Variants in TASOR observed in about 807,000 individuals in gnomAD.
TASOR encodes the protein protein TASOR.
Under a neutral mutation model 178.6 loss-of-function variants are expected in TASOR, and 53 were observed. The observed-to-expected ratio is 0.30, with a 90% confidence interval of 0.24 to 0.37. The LOEUF (loss-of-function observed/expected upper bound fraction) is 0.37. Among genes scored for constraint, TASOR ranks in the 10% least tolerant of loss-of-function variants. The probability of loss-of-function intolerance (pLI) is 1.00; values close to 1 mark genes in which losing one functional copy is unlikely to be tolerated. For synonymous variants in TASOR, 713 were observed against 696.2 expected (o/e 1.02, Z -0.38); for missense variants, 1,815 against 1,971.4 (o/e 0.92, Z 1.50).
Position 56,668,500 on chromosome 3 carries a change from T to C in TASOR, c.794A>G (p.Asn265Ser), listed in dbSNP as rs2030297996. 1 of 1,551,620 alleles carries C rather than the reference T, an allele frequency of 6.4e-7. No homozygotes were observed. Among genetic ancestry groups the C allele is most frequent in the African/African-American group, 1.4e-5 (1 of 73,170 alleles). The change falls in exon 6 of 24, where the codon AAT becomes AGT. Residue 265 changes from asparagine (N) to serine (S), a missense_variant. By Grantham distance (46) the Asn-to-Ser change is conservative (BLOSUM62 1). Transcript: ENST00000683822. ...TGGTGTGGGGTCCAAAGCACTCTTA[T>C]TTAACATAGATTCCAAACTTTTTAC... ...MGVKSLESML[N>S]KSALDPTPKH... is the part of the protein sequence containing the mutation.
chr3:56,649,666 G>C (rs1044751429), intron 11 of TASOR, among the ~76,000 whole-genome samples: 4 of 152,124 alleles, frequency 2.6e-5, no homozygotes, highest in Non-Finnish European at 5.9e-5. Context: ...TTCCCTAAGA[G>C]ATTTACAAAA....
intron 18 of TASOR, among the ~76,000 whole-genome samples, chr3:56,631,588 T>G (rs2107540974): frequency 8.4e-6 from 1 of 119,594 alleles, no homozygotes; most frequent in South Asian, 2.7e-4. Context: ...TTTTTTGTTT[T>G]TTTTTTTTTT....
At chr3:56,629,419 T>A (rs183941156) in intron 18 of TASOR, among the ~76,000 whole-genome samples, 1 of 152,272 alleles carries the variant, frequency 6.6e-6, no homozygotes, top group Non-Finnish European at 1.5e-5. Flanking sequence ...CAGTATTAAC[T>A]GGGATAAACG....
intron 1 of TASOR, 65 bp downstream of exon 1, chr3:56,682,610 AG>A (rs1444472102): frequency 1.5e-6 from 2 of 1,357,676 alleles, no homozygotes; most frequent in East Asian, 5.2e-5. Flanking sequence ...AAGAGGAGAT[AG>A]AAAGATTCTA....
chr3:56,682,592 G>T, intron 1 of TASOR, 84 bp downstream of exon 1: 1 of 1,257,766 alleles, frequency 8.0e-7, no homozygotes, highest in East Asian at 2.7e-5. Context: ...ATCTCGGATG[G>T]GTGTGGGAAG....
rs115407349 is a variant in TASOR at position 56,683,178 on chromosome 3, C to T, written c.-172G>A. ...GGCAGCCTCTTGGGGGGCCCTGTAG[C>T]GGGCACCCCAAATGCGCTGCCCGGT... is the stretch of plus-strand genomic sequence containing the variant. On this transcript the variant is annotated 5_prime_UTR_variant, in exon 1 of 24. Coordinates refer to ENST00000683822, the MANE Select transcript of TASOR (RefSeq NM_001365635.2). The T allele has an allele frequency of 0.013, 8,268 of 660,360 alleles. 520 individuals are homozygous for T. In the African/African-American group the frequency reaches 0.13, roughly 11 times the overall value. The allele number at this position is 660,360 out of a possible 1,614,324, so 40.9% of individuals were successfully genotyped here.
intron 17 of TASOR, 128 bp from the exon 18 acceptor site, chr3:56,634,094 T>C: frequency 1.3e-6 from 1 of 749,682 alleles, no homozygotes; most frequent in Non-Finnish European, 2.1e-6. Context: ...GAAGGTAAAA[T>C]AAAATCCTAA....
chr3:56,670,143 A>C lies in TASOR; in HGVS notation c.573T>G (p.Val191=). The change falls in exon 4 of 24, where the codon GTT becomes GTG. Residue 191 remains valine (V), a splice_region_variant and synonymous_variant. Coordinates refer to ENST00000683822, the MANE Select transcript of TASOR (RefSeq NM_001365635.2). ...YAFLMVDRYQ[V]QTICEKGLHV... is the part of the protein sequence containing the mutation. ...GTAATCCTTTTTCACATATGGTTTG[A>C]ACCTAAATTTAAAAAAAAATACTTC... is the stretch of plus-strand genomic sequence containing the variant. The C allele has an allele frequency of 6.6e-7, 1 of 1,515,752 alleles. No individual in the cohort carries two copies. The highest frequency in any genetic ancestry group is 8.8e-7 in the Non-Finnish European group (1 of 1,130,546). The allele number at this position is 1,515,752 out of a possible 1,614,324, so 93.9% of individuals were successfully genotyped here. A position where few individuals can be genotyped will look rare whatever the true frequency, so the allele number is the denominator to read the frequency against.
At chr3:56,682,637 GGA>G (rs756823428) in intron 1 of TASOR, 37 bp downstream of exon 1, 53 of 1,414,692 alleles carry the variant, frequency 3.7e-5, no homozygotes, top group Admixed American at 1.2e-4. Flanking sequence ...AAGATGGAGG[GGA>G]GAGAGAGAGG....
chr3:56,674,838 A>G (rs1000862645), intron 1 of TASOR, among the ~76,000 whole-genome samples: 3 of 152,216 alleles, frequency 2.0e-5, no homozygotes, highest in African/African-American at 4.8e-5. Context: ...GTTTGTTTTG[A>G]GATGGAGTCT....
rs11300845 is a variant in TASOR, at chr3:56,670,940, C to CAAAAAAAAAAA, written c.570+649_570+659dup. On this transcript the variant is annotated intron_variant, in intron 3 of 23. Transcript: ENST00000683822. Reference sequence around the variant, plus strand: ...TGAGCAACAGAGTGAGACTCCATCTCAAAAAAAAAAAAAAAAAAAAAAGGA... The same window carrying CAAAAAAAAAAA: ...TGAGCAACAGAGTGAGACTCCATCTCAAAAAAAAAAAAAAAAAAAAAAAAAAAAAAAAAGGA... Among the ~76,000 whole-genome samples, 64 of 54,190 alleles carry CAAAAAAAAAAA rather than the reference C, an allele frequency of 1.2e-3. 1 individual carries two copies. The highest frequency in any genetic ancestry group is 4.6e-3 in the African/African-American group (62 of 13,572). The allele number at this position is 54,190 out of a possible 152,430, so 35.6% of individuals were successfully genotyped here. A position where few individuals can be genotyped will look rare whatever the true frequency, so the allele number is the denominator to read the frequency against.
chr3:56,673,257 A>T (rs2030912803), intron 2 of TASOR, among the ~76,000 whole-genome samples: 1 of 152,058 alleles, frequency 6.6e-6, no homozygotes, highest in Admixed American at 6.6e-5. Flanking sequence ...GAAAAAAGAG[A>T]TGTCATTTAA....
At chr3:56,663,154 G>A (rs7633478) in intron 8 of TASOR, among the ~76,000 whole-genome samples, 25,959 of 151,918 alleles carry the variant, frequency 0.17, 2,804 homozygotes, top group South Asian at 0.35. Context: ...CTGCACCCCA[G>A]CCTGGGCGAG....
chr3:56,624,521 G>A lies in TASOR; in HGVS notation c.4441C>T (p.Leu1481Phe), dbSNP rs542859306. ...TTCTCATTAGCACCAAGCTGTGGAA[G>A]GTTTTCTTCTGTGATTGAATTGTGA... Reference protein sequence around the residue: ...GYHNSITEENLPQLGANENLE... With the variant: ...GYHNSITEENFPQLGANENLE... The change falls in exon 23 of 24, where the codon CTT becomes TTT. Residue 1481 changes from leucine (L) to phenylalanine (F), a missense_variant. Leu to Phe is a conservative substitution (Grantham distance 22, BLOSUM62 0). Coordinates refer to ENST00000683822, the MANE Select transcript of TASOR (RefSeq NM_001365635.2). The A allele has an allele frequency of 1.3e-5, 21 of 1,613,866 alleles. No homozygotes were observed. Among genetic ancestry groups the A allele is most frequent in the Non-Finnish European group, 1.7e-5 (20 of 1,179,980 alleles).
At chr3:56,640,227 T>G in intron 15 of TASOR, 97 bp from the exon 16 acceptor site, 1 of 1,066,932 alleles carries the variant, frequency 9.4e-7, no homozygotes, top group Non-Finnish European at 1.4e-6. Flanking sequence ...TGCTTCAATC[T>G]AAACATTACA....
intron 3 of TASOR, 188 bp downstream of exon 3, chr3:56,671,412 A>C: frequency 2.0e-6 from 1 of 511,166 alleles, no homozygotes. Flanking sequence ...AGGACTGGTC[A>C]GAGAAAAAAC....
Position 56,646,512 on chromosome 3 carries a change from G to C in TASOR, c.2215+10C>G. On this transcript the variant is annotated intron_variant, in intron 14 of 23. Coordinates refer to ENST00000683822, the MANE Select transcript of TASOR (RefSeq NM_001365635.2). ...TTTTTGGCTGTTATAAGAGCAATCT[G>C]ATATTTTACCTTCATACAGATGGCA... 1 of 1,579,744 alleles carries C rather than the reference G, an allele frequency of 6.3e-7. No individual in the cohort carries two copies.
chr3:56,642,104 T>C (rs941735732), intron 14 of TASOR, among the ~76,000 whole-genome samples: 19 of 152,214 alleles, frequency 1.2e-4, no homozygotes, highest in African/African-American at 3.9e-4. Flanking sequence ...ATTTTGCCAA[T>C]TGTTAGGATT....
Position 56,623,254 on chromosome 3 carries a change from T to C in TASOR, c.4796A>G (p.His1599Arg). The C allele has an allele frequency of 6.2e-7, 1 of 1,613,542 alleles. No homozygotes were observed. The highest frequency in any genetic ancestry group is 8.5e-7 in the Non-Finnish European group (1 of 1,179,908). The change falls in exon 24 of 24, where the codon CAT becomes CGT. Residue 1599 changes from histidine (H) to arginine (R), a missense_variant. Physicochemically the swap from His to Arg is conservative, Grantham distance 29 (BLOSUM62 0). Around this residue, in one of 5 missense-constraint regions of TASOR, gnomAD observed 278 missense variants for 257.1 expected, o/e 1.08. Coordinates refer to ENST00000683822, the MANE Select transcript of TASOR (RefSeq NM_001365635.2). ...QDSYSNFQVY[H>R]SQLNMSHQFS... ...CTGATGGGACATATTTAATTGACTA[T>C]GATAAACCTGAAAGTTACTATATGA... is the stretch of plus-strand genomic sequence containing the variant.
Sources: allele counts gnomAD v4.1 joint callset (sites outside exome capture counted in the v4.1 genomes callset), GRCh38; gene constraint gnomAD v4.1.1; regional missense constraint gnomAD v4.1.1; transcripts MANE v1.5; gene names NCBI Gene and HGNC (gene_info 2026-07-23, HGNC 2026-07-21).